SLC25A14: variants seen among roughly 807,000 people sequenced by gnomAD.
The protein encoded by SLC25A14 is solute carrier family 25 member 14, also known as brain mitochondrial carrier protein 1.
A neutral mutation model predicts 28.1 loss-of-function variants in SLC25A14; 8 were observed. The ratio of observed to expected loss-of-function variants is 0.28; its 90% CI spans 0.17 to 0.51. The LOEUF is 0.51. Ranked by LOEUF, SLC25A14 falls within the 20% of genes least tolerant of loss-of-function variation. SLC25A14 has a pLI of 0.97. For missense variants in SLC25A14, 135 were observed against 263.8 expected, an observed-to-expected ratio of 0.51 and a Z score of 3.38; for synonymous variants, 74 against 90.6, an observed-to-expected ratio of 0.82 and a Z score of 1.04.
At chrX:130,363,801 A>G (rs2034041800) in intron 7 of SLC25A14, among the ~76,000 whole-genome samples, 1 of 111,684 alleles carries the variant, frequency 9.0e-6, no homozygotes, top group Non-Finnish European at 1.9e-5. Flanking sequence ...TGGTGCAATC[A>G]TGGCTCACTG....
At chrX:130,347,812 C>G (rs2033488144) in intron 4 of SLC25A14, among the ~76,000 whole-genome samples, 1 of 111,292 alleles carries the variant, frequency 9.0e-6, no homozygotes, top group Admixed American at 9.6e-5. Flanking sequence ...TGTGGTTTTC[C>G]TTTTTTGTAC....
intron 5 of SLC25A14, 126 bp from the exon 6 acceptor site, chrX:130,350,520 A>G (rs1256331421): frequency 3.2e-6 from 1 of 315,925 alleles, no homozygotes. Flanking sequence ...TATTTTCCTA[A>G]GCTTTTTGGT....
At chrX:130,340,964 A>G (rs1186461975) in intron 2 of SLC25A14, among the ~76,000 whole-genome samples, 1 of 111,152 alleles carries the variant, frequency 9.0e-6, no homozygotes, top group African/African-American at 3.3e-5. Flanking sequence ...TCAGTCAACA[A>G]GGGAATTCTC....
At chrX:130,357,524 A>G (rs16999658) in intron 6 of SLC25A14, among the ~76,000 whole-genome samples, 3,450 of 112,166 alleles carry the variant, frequency 0.031, 116 homozygotes, top group African/African-American at 0.1. Context: ...ACCACAGTGT[A>G]TTAGTAGTTT....
chrX:130,366,391 C>T (rs1402651712), intron 9 of SLC25A14, among the ~76,000 whole-genome samples: 71 of 112,318 alleles, frequency 6.3e-4, no homozygotes, highest in Non-Finnish European at 1.9e-5. Flanking sequence ...TCTTGAATAA[C>T]AATAACTCAT....
intron 7 of SLC25A14, 59 bp from the exon 8 acceptor site, chrX:130,364,569 C>G: frequency 1.0e-6 from 1 of 975,980 alleles, no homozygotes. Context: ...ATTTTGTTCA[C>G]TCTAAGACAT....
In SLC25A14 at chrX:130,372,919, C is replaced by T. The variant is rs1404619951; in HGVS notation, c.947C>T (p.Thr316Ile). Residue 316 changes from threonine (T) to isoleucine (I), a missense_variant, in exon 11 of 11, where the codon ACA (threonine) becomes ATA (isoleucine). By Grantham distance (89) the Thr-to-Ile change is moderately conservative. Coordinates refer to ENST00000545805, the MANE Select transcript of SLC25A14 (RefSeq NM_001282195.2). ...TGACTTACTCCTCAGTTTTTTATTA[C>T]ATACGAGCAGCTAAAGAGGCTTCAA... ...LGPWNIIFFI[T>I]YEQLKRLQI 2.5e-6 allele frequency: 3 copies of T among 1,191,625 alleles called. No homozygotes were observed. The highest frequency in any genetic ancestry group is 3.5e-5 in the African/African-American group (2 of 57,285).
intron 7 of SLC25A14, among the ~76,000 whole-genome samples, chrX:130,360,193 G>A (rs2033927262): frequency 9.2e-6 from 1 of 108,832 alleles, no homozygotes; most frequent in African/African-American, 3.4e-5. Flanking sequence ...GCCTGGCCAG[G>A]CTAGTTTTCT....
At chrX:130,349,198 A>G in intron 4 of SLC25A14, 53 bp from the exon 5 acceptor site, 1 of 787,893 alleles carries the variant, frequency 1.3e-6, no homozygotes, top group South Asian at 2.5e-5. Context: ...GGCTATCTAG[A>G]TATGTATAAT....
At chrX:130,348,839 C>T (rs2033536829) in intron 4 of SLC25A14, among the ~76,000 whole-genome samples, 2 of 84,175 alleles carry the variant, frequency 2.4e-5, no homozygotes, top group African/African-American at 9.3e-5. Flanking sequence ...AAATTTCCCT[C>T]AGCACTGCTT....
chrX:130,357,655 A>T (rs922860553), intron 6 of SLC25A14, among the ~76,000 whole-genome samples: 1 of 112,245 alleles, frequency 8.9e-6, no homozygotes, highest in Non-Finnish European at 1.9e-5. Flanking sequence ...TTGCCATTAC[A>T]TGACTTACTA....
chrX:130,366,192 C>T (rs2034111932), intron 9 of SLC25A14, among the ~76,000 whole-genome samples: 1 of 112,374 alleles, frequency 8.9e-6, no homozygotes. Flanking sequence ...CATATGGTTT[C>T]TCTCCTGTTA....
intron 9 of SLC25A14, among the ~76,000 whole-genome samples, chrX:130,370,092 G>A (rs2034227519): frequency 1.8e-5 from 2 of 111,094 alleles, no homozygotes; most frequent in Admixed American, 1.9e-4. Flanking sequence ...CTTTATTTGG[G>A]GTGATTTTCA....
In SLC25A14 at chrX:130,373,053, C is replaced by A; in HGVS notation, c.*103C>A. On this transcript the variant is annotated 3_prime_UTR_variant, in exon 11 of 11. Transcript: ENST00000545805. The stretch of plus-strand genomic sequence containing the variant: ...ACAATGTTGTAAGTGTTTACCAAGC[C>A]GTTGGTCTCCTAAGGGCCTCCTGAT... The A allele has an allele frequency of 1.6e-6, 1 of 628,857 alleles. No homozygotes were observed. Among genetic ancestry groups the A allele is most frequent in the Non-Finnish European group, 2.5e-6 (1 of 397,346 alleles). The allele number at this position is 628,857 out of a possible 1,213,427, so 51.8% of individuals were successfully genotyped here. A position where few individuals can be genotyped will look rare whatever the true frequency, so the allele number is the denominator to read the frequency against.
intron 9 of SLC25A14, among the ~76,000 whole-genome samples, chrX:130,370,495 C>T (rs1013043919): frequency 8.9e-6 from 1 of 111,978 alleles, no homozygotes; most frequent in East Asian, 2.8e-4. Flanking sequence ...CACCAGTTTA[C>T]AACGTTTATG....
intron 9 of SLC25A14, among the ~76,000 whole-genome samples, chrX:130,367,958 T>C (rs191844053): frequency 1.7e-3 from 192 of 112,411 alleles, no homozygotes; most frequent in African/African-American, 5.5e-3. Flanking sequence ...TATTTTTGTT[T>C]TTAGTAGAGA....
chrX:130,353,471 G>A (rs183014645), intron 6 of SLC25A14, among the ~76,000 whole-genome samples: 4 of 111,701 alleles, frequency 3.6e-5, no homozygotes, highest in African/African-American at 1.3e-4. Context: ...GGGTAGGATG[G>A]GGCCCAGCAG....
intron 7 of SLC25A14, chrX:130,359,162 G>A (rs1304076287): frequency 5.0e-6 from 2 of 398,374 alleles, no homozygotes; most frequent in South Asian, 5.1e-5. Context: ...AGACCAGCCT[G>A]GCCAACCTGG....
intron 7 of SLC25A14, chrX:130,358,966 G>T (rs1291419897): frequency 1.1e-6 from 1 of 927,620 alleles, no homozygotes; most frequent in African/African-American, 1.9e-5. Flanking sequence ...TGGCTGTTTC[G>T]ATCATATTCA....
Sources: allele counts gnomAD v4.1 joint callset (sites outside exome capture counted in the v4.1 genomes callset), GRCh38; gene constraint gnomAD v4.1.1; transcripts MANE v1.5; gene names NCBI Gene and HGNC (gene_info 2026-07-23, HGNC 2026-07-21).